CYB5R4: variants seen among roughly 807,000 people sequenced by gnomAD.
CYB5R4 encodes N-terminal cytochrome b5 and cytochrome b5 oxidoreductase domain-containing protein.
In CYB5R4, 55 loss-of-function variants were observed where a neutral mutation model predicts 70.2. The observed-to-expected ratio is 0.78, with a 90% CI of 0.63 to 0.98. The LOEUF is 0.98. Ranked by LOEUF, CYB5R4 falls within the 50% of genes least tolerant of loss-of-function variation. The pLI is 0.00. For missense variants in CYB5R4, 562 were observed against 612.6 expected, an observed-to-expected ratio of 0.92 and a Z score of 0.87; for synonymous variants, 197 against 199.5, an observed-to-expected ratio of 0.99 and a Z score of 0.11.
chr6:83,953,780 A>AG (rs1416191019), intron 14 of CYB5R4, among the ~76,000 whole-genome samples: 2 of 152,248 alleles, frequency 1.3e-5, no homozygotes, highest in Non-Finnish European at 2.9e-5. Flanking sequence ...TGGCTAGAGG[A>AG]GGAGGGAATA....
intron 3 of CYB5R4, among the ~76,000 whole-genome samples, chr6:83,905,517 G>A (rs912113070): frequency 2.6e-5 from 4 of 152,138 alleles, no homozygotes; most frequent in East Asian, 1.9e-4. Context: ...TGACTTCCTC[G>A]GTGTCTTAGG....
intron 2 of CYB5R4, among the ~76,000 whole-genome samples, chr6:83,892,826 TTCTC>T (rs34898156): frequency 1.3e-5 from 2 of 151,416 alleles, no homozygotes; most frequent in Non-Finnish European, 2.9e-5. Context: ...AGTAGTCACT[TTCTC>T]TCTCTCTCTT....
chr6:83,914,684 C>A (rs2099465214), intron 5 of CYB5R4, among the ~76,000 whole-genome samples: 1 of 151,970 alleles, frequency 6.6e-6, no homozygotes, highest in African/African-American at 2.4e-5. Context: ...ATTACAGGTG[C>A]ACACCACACA....
intron 5 of CYB5R4, among the ~76,000 whole-genome samples, chr6:83,917,455 C>T (rs930457089): frequency 6.6e-6 from 1 of 151,982 alleles, no homozygotes; most frequent in Non-Finnish European, 1.5e-5. Context: ...TATAATAACT[C>T]CAAACTGGAA....
chr6:83,899,395 A>G (rs1460863939), intron 3 of CYB5R4, among the ~76,000 whole-genome samples: 1 of 152,150 alleles, frequency 6.6e-6, no homozygotes, highest in Non-Finnish European at 1.5e-5. Context: ...TTTTGCATCA[A>G]TGTTCATTAG....
chr6:83,859,745 G>T lies in CYB5R4; in HGVS notation c.-38G>T. ...AGCTGGAGGTGCTGTCCCGTCTGGC[G>T]GCGATCCCCGGGCAGGGCCCGGGGC... On this transcript the variant is annotated 5_prime_UTR_variant, in exon 1 of 16. Transcript: ENST00000369681. 6.2e-7 allele frequency: 1 copy of T among 1,607,400 alleles called. No individual in the cohort carries two copies. The highest frequency in any genetic ancestry group is 8.5e-7 in the Non-Finnish European group (1 of 1,176,388).
chr6:83,951,867 C>G (rs1588587401), intron 14 of CYB5R4, among the ~76,000 whole-genome samples: 1 of 152,298 alleles, frequency 6.6e-6, no homozygotes, highest in East Asian at 1.9e-4. Flanking sequence ...ACACTGTTTT[C>G]TACGATGGTT....
chr6:83,952,043 G>A (rs2099471617), intron 14 of CYB5R4, among the ~76,000 whole-genome samples: 2 of 152,138 alleles, frequency 1.3e-5, no homozygotes. Context: ...CACTGACAGT[G>A]TCATTAACAG....
At chr6:83,920,267 G>C (rs780068102) in intron 7 of CYB5R4, among the ~76,000 whole-genome samples, 9 of 152,300 alleles carry the variant, frequency 5.9e-5, no homozygotes, top group South Asian at 2.1e-4. Context: ...TTCTATAGTA[G>C]CAGAACCATG....
chr6:83,914,520 C>G (rs2099465184), intron 5 of CYB5R4, 72 bp downstream of exon 5: 8 of 1,327,496 alleles, frequency 6.0e-6, no homozygotes, highest in Non-Finnish European at 8.0e-6. Context: ...ACAGAATTGT[C>G]TGGGGCATTT....
At chr6:83,908,925 A>G (rs1041820113) in intron 3 of CYB5R4, 84 bp from the exon 4 acceptor site, 2 of 1,122,670 alleles carry the variant, frequency 1.8e-6, no homozygotes, top group African/African-American at 3.1e-5. Context: ...GTGGTTTCAG[A>G]AAGTTTAGTT....
At chr6:83,881,265 C>G (rs2099459403) in intron 2 of CYB5R4, among the ~76,000 whole-genome samples, 1 of 152,068 alleles carries the variant, frequency 6.6e-6, no homozygotes, top group South Asian at 2.1e-4. Flanking sequence ...GCCTCAGACT[C>G]CTGAGCTCAA....
chr6:83,937,138 G>C (rs2099469041), intron 12 of CYB5R4, among the ~76,000 whole-genome samples: 1 of 152,138 alleles, frequency 6.6e-6, no homozygotes, highest in Non-Finnish European at 1.5e-5. Context: ...AGCCGGGTAT[G>C]ATGGCGGGCG....
At chr6:83,916,223 A>G (rs1270416351) in intron 5 of CYB5R4, among the ~76,000 whole-genome samples, 1 of 152,154 alleles carries the variant, frequency 6.6e-6, no homozygotes, top group Non-Finnish European at 1.5e-5. Context: ...TTTGAGGAAG[A>G]GGAAACAGTG....
intron 5 of CYB5R4, among the ~76,000 whole-genome samples, chr6:83,915,968 T>C (rs1208424998): frequency 6.6e-6 from 1 of 152,194 alleles, no homozygotes; most frequent in Non-Finnish European, 1.5e-5. Flanking sequence ...ATTACTTAAT[T>C]ATTTTTTTTC....
chr6:83,900,405 A>G (rs1050163895), intron 3 of CYB5R4, among the ~76,000 whole-genome samples: 5 of 152,076 alleles, frequency 3.3e-5, no homozygotes, highest in African/African-American at 9.7e-5. Context: ...TAAATTTTGG[A>G]ATAAGTGCGG....
At chr6:83,890,667 ATCTC>A (rs1160930685) in intron 2 of CYB5R4, among the ~76,000 whole-genome samples, 2 of 152,158 alleles carry the variant, frequency 1.3e-5, no homozygotes, top group Admixed American at 6.5e-5. Context: ...CTACAGATAA[ATCTC>A]TCATGAAAGG....
chr6:83,929,133 CTT>C (rs1300341473), intron 10 of CYB5R4, among the ~76,000 whole-genome samples: 2 of 152,256 alleles, frequency 1.3e-5, no homozygotes, highest in East Asian at 3.9e-4. Context: ...TCATCTTTCT[CTT>C]TTCTCCTCCT....
At chr6:83,958,147 C>T (rs2099472716) in intron 15 of CYB5R4, among the ~76,000 whole-genome samples, 1 of 152,148 alleles carries the variant, frequency 6.6e-6, no homozygotes, top group African/African-American at 2.4e-5. Flanking sequence ...GAGAAAGACT[C>T]AGAAACCTAT....
Sources: allele counts gnomAD v4.1 joint callset (sites outside exome capture counted in the v4.1 genomes callset), GRCh38; gene constraint gnomAD v4.1.1; transcripts MANE v1.5; gene names NCBI Gene and HGNC (gene_info 2026-07-23, HGNC 2026-07-21).